The following TRAF3IP3 variants were observed in gnomAD, a reference collection of about 807,000 sequenced individuals.
The protein encoded by TRAF3IP3 is TRAF3-interacting JNK-activating modulator.
In TRAF3IP3, 64 loss-of-function variants were observed where a neutral mutation model predicts 86.5. That is an observed-to-expected ratio of 0.74 (90% CI 0.60 to 0.91). TRAF3IP3 has a LOEUF of 0.91. TRAF3IP3 is among the 40% of genes least tolerant of loss of function. The pLI, the probability that TRAF3IP3 is intolerant of heterozygous loss-of-function variation, is 0.00. For missense variants in TRAF3IP3, 579 were observed against 642.9 expected, an observed-to-expected ratio of 0.90 and a Z score of 1.07; for synonymous variants, 220 against 243.9, an observed-to-expected ratio of 0.90 and a Z score of 0.91.
rs745833295 is a variant in TRAF3IP3 at position 209,780,455 on chromosome 1, T to C, written c.1313-15T>C. On this transcript the variant is annotated splice_polypyrimidine_tract_variant and intron_variant, in intron 14 of 16. Transcript: ENST00000367025. ...GTGGGCCTCACTGTCACCAAGAATC[T>C]GGCTGCTTTTTTAGATCAGGCTTTG... The C allele has an allele frequency of 7.1e-6, 11 of 1,543,506 alleles. No individual in the cohort carries two copies. The South Asian group carries it at 1.3e-4, about 18-fold the overall frequency.
At chr1:209,779,959 T>C (rs1464460130) in intron 14 of TRAF3IP3, 1 of 163,756 alleles carries the variant, frequency 6.1e-6, no homozygotes, top group Admixed American at 6.0e-5. Flanking sequence ...AACACAGCTA[T>C]AACAACAATC....
intron 1 of TRAF3IP3, among the ~76,000 whole-genome samples, chr1:209,758,149 G>A (rs1425523246): frequency 6.6e-6 from 1 of 152,140 alleles, no homozygotes; most frequent in African/African-American, 2.4e-5. Context: ...AATAGACATG[G>A]GTCTCTCAGA....
At chr1:209,765,236 A>G (rs1313145011) in intron 8 of TRAF3IP3, among the ~76,000 whole-genome samples, 1 of 97,388 alleles carries the variant, frequency 1.0e-5, no homozygotes, top group African/African-American at 3.9e-5. Context: ...AGAGGAAGGA[A>G]GGAAGGAAGG....
intron 1 of TRAF3IP3, among the ~76,000 whole-genome samples, chr1:209,757,839 A>G (rs1481566695): frequency 1.3e-5 from 2 of 152,258 alleles, no homozygotes; most frequent in Non-Finnish European, 2.9e-5. Context: ...TGCCAGGTGC[A>G]TGGCCTGCAT....
intron 8 of TRAF3IP3, among the ~76,000 whole-genome samples, chr1:209,771,922 T>C (rs1489972089): frequency 6.0e-4 from 78 of 130,828 alleles, no homozygotes; most frequent in South Asian, 1.0e-3. Context: ...TATGGAGGTG[T>C]GCGTGTGCAT....
In TRAF3IP3 at chr1:209,762,832, A is replaced by C; in HGVS notation, c.513A>C (p.Glu171Asp). 6.2e-7 allele frequency: 1 copy of C among 1,608,284 alleles called. No homozygotes were observed. Among genetic ancestry groups the C allele is most frequent in the Non-Finnish European group, 8.5e-7 (1 of 1,178,630 alleles). ...KHHRGTQTKA[E>D]GPTIKNDASQ... is the part of the protein sequence containing the mutation. ...TCTCAGGTACTCAGACAAAGGCAGAAGGACCAACAATTAAGAACGATGCCA... is the reference window on the plus strand; with the variant it reads ...TCTCAGGTACTCAGACAAAGGCAGACGGACCAACAATTAAGAACGATGCCA... Residue 171 changes from glutamate to aspartate, a missense_variant, in exon 5 of 17, where the codon GAA (glutamate) becomes GAC (aspartate). Physicochemically the swap from Glu to Asp is conservative, Grantham distance 45. Coordinates refer to ENST00000367025, the MANE Select transcript of TRAF3IP3 (RefSeq NM_025228.4).
At chr1:209,779,006 T>C (rs2077719582) in intron 13 of TRAF3IP3, 1 of 386,034 alleles carries the variant, frequency 2.6e-6, no homozygotes, top group African/African-American at 2.1e-5. Context: ...TCTCTTCACA[T>C]TGTCTTTCCC....
At chr1:209,769,041 G>A (rs2077412220) in intron 8 of TRAF3IP3, among the ~76,000 whole-genome samples, 1 of 152,178 alleles carries the variant, frequency 6.6e-6, no homozygotes, top group Admixed American at 6.5e-5. Context: ...AAAAACAGTT[G>A]AAAGAGGCAA....
chr1:209,774,694 T>C (rs2077616262), intron 9 of TRAF3IP3, among the ~76,000 whole-genome samples: 1 of 152,214 alleles, frequency 6.6e-6, no homozygotes, highest in Non-Finnish European at 1.5e-5. Context: ...GATGTGATTC[T>C]TAGTATGCTG....
At position 209,777,378 on chromosome 1, in the gene TRAF3IP3, G is replaced by C; in HGVS notation, c.1080G>C (p.Met360Ile). The C allele has an allele frequency of 6.2e-7, 1 of 1,613,822 alleles. No individual in the cohort carries two copies. The highest frequency in any genetic ancestry group is 1.3e-5 in the African/African-American group (1 of 74,948). Residue 360 changes from methionine (M) to isoleucine (I), a missense_variant, in exon 12 of 17, where the codon ATG becomes ATC. Physicochemically the swap from Met to Ile is conservative, Grantham distance 10. Coordinates refer to ENST00000367025, the MANE Select transcript of TRAF3IP3 (RefSeq NM_025228.4). ...GAGCAGATAGCAGGGACTTACAGAT[G>C]AACCAGGCCCTGCGATTTTTGGAAA... ...LQGADSRDLQ[M>I]NQALRFLENE...
intron 15 of TRAF3IP3, 101 bp from the exon 16 acceptor site, chr1:209,781,243 TA>T: frequency 2.8e-6 from 2 of 708,824 alleles, no homozygotes; most frequent in Non-Finnish European, 4.9e-6. Context: ...AAGATGGTGG[TA>T]AAAATTCCAA....
At chr1:209,774,993 AGG>A (rs1454918503) in intron 9 of TRAF3IP3, among the ~76,000 whole-genome samples, 4 of 152,148 alleles carry the variant, frequency 2.6e-5, no homozygotes, top group Non-Finnish European at 4.4e-5. Context: ...TCCCTGGTTT[AGG>A]GTTTGGAAAA....
At chr1:209,781,890 T>G (rs2077789628) in intron 16 of TRAF3IP3, 166 bp from the exon 17 acceptor site, 1 of 604,882 alleles carries the variant, frequency 1.7e-6, no homozygotes, top group African/African-American at 1.9e-5. Flanking sequence ...GTTAAGTGGT[T>G]TTATCCCAAG....
chr1:209,775,324 T>G (rs1330429679), intron 9 of TRAF3IP3, 25 bp from the exon 10 acceptor site: 3 of 1,593,244 alleles, frequency 1.9e-6, no homozygotes, highest in African/African-American at 2.7e-5. Context: ...CAATGTGTAT[T>G]TGTTGAATTG....
intron 5 of TRAF3IP3, 46 bp from the exon 6 acceptor site, chr1:209,763,022 G>T (rs149573785): frequency 6.8e-6 from 11 of 1,610,502 alleles, no homozygotes; most frequent in Non-Finnish European, 9.3e-6. Context: ...CTCCTGACTT[G>T]ATTCTTTGGT....
At position 209,756,108 on chromosome 1, in the gene TRAF3IP3, G is replaced by T. The variant is rs2272866; in HGVS notation, c.-361G>T. The T allele has an allele frequency of 0.04, 6,142 of 152,532 alleles. 587 individuals are homozygous for T. The highest frequency in any genetic ancestry group is 0.31 in the East Asian group (1,572 of 5,150). The allele number at this position is 152,532 out of a possible 1,614,324, so 9.4% of individuals were successfully genotyped here. A position where few individuals can be genotyped will look rare whatever the true frequency, so the allele number is the denominator to read the frequency against. ...TGGGGTTTGCGAACCTTGTGGCTTT[G>T]TCTGTTTCCTGTTTCAGCAAGGCTG... is the stretch of plus-strand genomic sequence containing the variant. On this transcript the variant is annotated 5_prime_UTR_variant, in exon 1 of 17. Transcript: ENST00000367025.
chr1:209,761,686 G>A (rs6700223), intron 3 of TRAF3IP3, among the ~76,000 whole-genome samples: 61,830 of 152,018 alleles, frequency 0.41, 15,890 homozygotes, highest in African/African-American at 0.71. Flanking sequence ...AGAGAAAGGA[G>A]GCTTTCCTTT....
At chr1:209,771,020 ATGTG>A (rs144661554) in intron 8 of TRAF3IP3, among the ~76,000 whole-genome samples, 8 of 92,042 alleles carry the variant, frequency 8.7e-5, no homozygotes, top group African/African-American at 2.7e-4. Context: ...GTGCATGTGG[ATGTG>A]TGTGTGTGCT....
chr1:209,763,223 G>C (rs529352563), intron 6 of TRAF3IP3, 131 bp downstream of exon 6: 27 of 1,371,742 alleles, frequency 2.0e-5, no homozygotes, highest in Admixed American at 1.7e-5. Context: ...ACTGAGCATA[G>C]ACATGGGGAC....
Sources: gnomAD v4.1 joint callset for allele counts (sites outside exome capture counted in the v4.1 genomes callset) on GRCh38, gnomAD v4.1.1 for gene constraint, MANE v1.5 for transcripts, NCBI Gene and HGNC (gene_info 2026-07-23, HGNC 2026-07-21) for gene names.